The following TET1 variants were observed in gnomAD, a reference collection of about 807,000 sequenced individuals.
TET1 encodes methylcytosine dioxygenase TET1.
In TET1, 13 loss-of-function variants were observed where a neutral mutation model predicts 148.7. The ratio of observed to expected loss-of-function variants is 0.09; its 90% CI spans 0.06 to 0.14. The LOEUF (loss-of-function observed/expected upper bound fraction) is 0.14, where lower values mean the gene tolerates loss of function less well. TET1 is among the 10% of genes least tolerant of loss of function. TET1 has a pLI of 1.00. For missense variants in TET1, 2,182 were observed against 2,553.8 expected (o/e 0.85, Z 3.14); for synonymous variants, 907 against 937.2 (o/e 0.97, Z 0.59).
At position 68,650,089 on chromosome 10, in the gene TET1, C is replaced by T. The variant is rs55845898; in HGVS notation, c.4277-1757C>T. 5.6e-3 allele frequency among the ~76,000 whole-genome samples: 856 copies of T among 152,196 alleles called. 6 individuals are homozygous for T. The highest frequency in any genetic ancestry group is 9.3e-3 in the Admixed American group (142 of 15,282). On this transcript the variant is annotated intron_variant, in intron 4 of 11. Transcript: ENST00000373644. The stretch of plus-strand genomic sequence containing the variant: ...CTAGATTAGGATTCCTCAAACTGAG[C>T]AGTATTGGTGTTTTATCCTTCGTAA...
At chr10:68,668,382 A>G (rs974273992) in intron 7 of TET1, among the ~76,000 whole-genome samples, 10 of 152,162 alleles carry the variant, frequency 6.6e-5, no homozygotes, top group African/African-American at 2.4e-4. Context: ...TTTCTCATCA[A>G]CGCTGTAGCA....
At chr10:68,603,803 T>C (rs539277873) in intron 3 of TET1, among the ~76,000 whole-genome samples, 1 of 152,146 alleles carries the variant, frequency 6.6e-6, no homozygotes, top group African/African-American at 2.4e-5. Context: ...CTATTATCCA[T>C]ATTTATACCA....
At position 68,687,781 on chromosome 10, in the gene TET1, G is replaced by C. The variant is rs139239794; in HGVS notation, c.5404+1074G>C. On this transcript the variant is annotated intron_variant, in intron 11 of 11. Coordinates refer to ENST00000373644, the MANE Select transcript of TET1 (RefSeq NM_030625.3). ...ATTATTGTATTTTTTATAGAGATAG[G>C]GTTTCACCTGTTTGCCAGGCTGATC... 2.0e-3 allele frequency among the ~76,000 whole-genome samples: 299 copies of C among 152,120 alleles called. 2 individuals carry two copies. The highest frequency in any genetic ancestry group is 6.9e-3 in the African/African-American group (285 of 41,522).
chr10:68,686,889 T>C (rs1050794298), intron 11 of TET1, among the ~76,000 whole-genome samples, 182 bp downstream of exon 11: 15 of 151,110 alleles, frequency 9.9e-5, no homozygotes, highest in Non-Finnish European at 1.5e-4. Context: ...TTTCGACTTA[T>C]CCTTTTTTTT....
chr10:68,638,934 A>G (rs2054696871), intron 3 of TET1, among the ~76,000 whole-genome samples: 1 of 152,050 alleles, frequency 6.6e-6, no homozygotes, highest in Admixed American at 6.6e-5. Flanking sequence ...AAATGAGAAA[A>G]TGGAGAGGGC....
chr10:68,660,012 A>T (rs1316727216), intron 6 of TET1, among the ~76,000 whole-genome samples: 1 of 152,142 alleles, frequency 6.6e-6, no homozygotes, highest in Non-Finnish European at 1.5e-5. Context: ...TTGTTTTGAA[A>T]AATTTACTCT....
chr10:68,687,932 T>C (rs2055537487), intron 11 of TET1, among the ~76,000 whole-genome samples: 1 of 151,532 alleles, frequency 6.6e-6, no homozygotes, highest in South Asian at 2.1e-4. Context: ...GGTTTTGGGG[T>C]TTTTTTTAAA....
intron 4 of TET1, among the ~76,000 whole-genome samples, chr10:68,651,348 G>A (rs1007976631): frequency 6.6e-6 from 1 of 152,092 alleles, no homozygotes; most frequent in African/African-American, 2.4e-5. Flanking sequence ...CAGCTACTTG[G>A]GAGGCTGAGG....
intron 3 of TET1, among the ~76,000 whole-genome samples, chr10:68,611,340 A>G (rs1291785599): frequency 2.0e-5 from 3 of 151,888 alleles, no homozygotes; most frequent in Non-Finnish European, 4.4e-5. Flanking sequence ...AGTCAGGTGC[A>G]GTAGCACACT....
chr10:68,593,439 AT>A (rs935982709), intron 2 of TET1, among the ~76,000 whole-genome samples: 1 of 151,412 alleles, frequency 6.6e-6, no homozygotes, highest in African/African-American at 2.4e-5. Flanking sequence ...TTTTAAAAAA[AT>A]TTTTAATTTT....
intron 8 of TET1, chr10:68,675,154 GAA>G (rs1050044704): frequency 2.9e-6 from 1 of 347,582 alleles, no homozygotes; most frequent in Non-Finnish European, 5.3e-6. Flanking sequence ...ATTTGTGGGG[GAA>G]AAAAGTGTCT....
Position 68,682,981 on chromosome 10 carries a change from C to A in TET1, c.5052+8C>A, listed in dbSNP as rs1480213522. 3 of 1,612,270 alleles carry A rather than the reference C, an allele frequency of 1.9e-6. No homozygotes were observed. Among genetic ancestry groups the A allele is most frequent in the East Asian group, 2.2e-5 (1 of 44,812 alleles). On this transcript the variant is annotated splice_region_variant and intron_variant, in intron 10 of 11. Coordinates refer to ENST00000373644, the MANE Select transcript of TET1 (RefSeq NM_030625.3). ...AATAATGGAAGCACTGTGGTATGTA[C>A]CTGTGTGAATTTGTATTCTAAAAGC...
In TET1 at chr10:68,572,577, C is replaced by T. The variant is rs2133684879; in HGVS notation, c.239C>T (p.Ala80Val). Residue 80 changes from alanine (A) to valine (V), a missense_variant, in exon 2 of 12, where the codon GCA (alanine) becomes GTA (valine). Around this residue, in one of 11 missense-constraint regions of TET1, gnomAD observed 665 missense variants for 672.4 expected, o/e 0.99. Transcript: ENST00000373644. ...AGCCTTCTGACAAGAGCTGGAGCAG[C>T]ACGCATGAATTTGGATAGGACTGAG... ...VRSLLTRAGAARMNLDRTEVL... is the reference protein window; with the variant it reads ...VRSLLTRAGAVRMNLDRTEVL... The T allele has an allele frequency of 6.2e-7, 1 of 1,614,164 alleles. No homozygotes were observed. The highest frequency in any genetic ancestry group is 8.5e-7 in the Non-Finnish European group (1 of 1,180,030).
chr10:68,595,322 G>T (rs1469846736), intron 2 of TET1, among the ~76,000 whole-genome samples: 1 of 152,054 alleles, frequency 6.6e-6, no homozygotes, highest in Admixed American at 6.6e-5. Context: ...CTGCAAAATT[G>T]TAGCCCCCAA....
At chr10:68,626,126 G>GA (rs71888920) in intron 3 of TET1, among the ~76,000 whole-genome samples, 1 of 7,930 alleles carries the variant, frequency 1.3e-4, no homozygotes, top group Non-Finnish European at 2.6e-4. Context: ...AAAAAGAAAA[G>GA]AAAATACTTA....
Position 68,646,083 on chromosome 10 carries a change from G to A in TET1, c.3354G>A (p.Gln1118=), listed in dbSNP as rs564865228. ...VTCNVQQKYN[Q]EKGTIQQKPP... ...GTAATGTACAGCAAAAATACAATCA[G>A]GAGAAGGGCACAATACAACAGAAAC... The change falls in exon 4 of 12, where the codon CAG becomes CAA. Residue 1118 remains glutamine (Q), a synonymous_variant. Coordinates refer to ENST00000373644, the MANE Select transcript of TET1 (RefSeq NM_030625.3). 21 of 1,614,010 alleles carry A rather than the reference G, an allele frequency of 1.3e-5. No homozygotes were observed. Among genetic ancestry groups the A allele is most frequent in the Middle Eastern group, 3.3e-4 (2 of 6,062 alleles).
At chr10:68,610,226 T>C (rs1455140374) in intron 3 of TET1, among the ~76,000 whole-genome samples, 1 of 151,796 alleles carries the variant, frequency 6.6e-6, no homozygotes, top group Non-Finnish European at 1.5e-5. Context: ...GAGCTTGCAG[T>C]GAGCTGATAT....
chr10:68,651,724 C>A, intron 4 of TET1, 122 bp from the exon 5 acceptor site: 1 of 612,690 alleles, frequency 1.6e-6, no homozygotes, highest in Non-Finnish European at 2.6e-6. Flanking sequence ...CAAATCTTAC[C>A]AAAACCTTGT....
At chr10:68,619,791 A>G (rs1471314667) in intron 3 of TET1, among the ~76,000 whole-genome samples, 1 of 152,188 alleles carries the variant, frequency 6.6e-6, no homozygotes, top group Non-Finnish European at 1.5e-5. Flanking sequence ...CATTTTACAT[A>G]TTGTGAAATA....
Sources: gnomAD v4.1 joint callset for allele counts (sites outside exome capture counted in the v4.1 genomes callset) on GRCh38, gnomAD v4.1.1 for gene constraint, gnomAD v4.1.1 regional missense constraint, MANE v1.5 for transcripts, NCBI Gene and HGNC (gene_info 2026-07-23, HGNC 2026-07-21) for gene names.